The following ARHGEF28 variants were observed in gnomAD, a reference collection of about 807,000 sequenced individuals.
ARHGEF28 encodes 190 kDa guanine nucleotide exchange factor.
Under a neutral mutation model 206.6 loss-of-function variants are expected in ARHGEF28, and 152 were observed. The ratio of observed to expected loss-of-function variants is 0.74; its 90% confidence interval spans 0.64 to 0.84. ARHGEF28 has a LOEUF of 0.84. ARHGEF28 is among the 40% of genes least tolerant of loss of function. The pLI is 0.00. For synonymous variants in ARHGEF28, 763 were observed against 776.4 expected (o/e 0.98, Z 0.29); for missense variants, 2,028 against 2,073.2 (o/e 0.98, Z 0.42).
Position 73,777,482 on chromosome 5 carries a change from G to A in ARHGEF28, c.840+786G>A, listed in dbSNP as rs375194069. On this transcript the variant is annotated intron_variant, in intron 6 of 35. Coordinates refer to ENST00000513042, the MANE Select transcript of ARHGEF28 (RefSeq NM_001177693.2). Reference sequence around the variant, plus strand: ...CTATTTAGGCTTTACAGAGTAAAAAGTCAGCTTAGAAAACCAATATTATCA... The same window carrying A: ...CTATTTAGGCTTTACAGAGTAAAAAATCAGCTTAGAAAACCAATATTATCA... 3.3e-5 allele frequency among the ~76,000 whole-genome samples: 5 copies of A among 152,200 alleles called. No homozygotes were observed. In the East Asian group the frequency reaches 7.7e-4, roughly 23 times the overall value.
At chr5:73,772,814 A>G (rs1235617028) in intron 4 of ARHGEF28, among the ~76,000 whole-genome samples, 3 of 152,300 alleles carry the variant, frequency 2.0e-5, no homozygotes, top group Non-Finnish European at 4.4e-5. Context: ...ATTGGTTTCT[A>G]CTGAACAGTT....
intron 35 of ARHGEF28, among the ~76,000 whole-genome samples, chr5:73,927,034 G>C (rs1370145874): frequency 6.6e-6 from 1 of 152,044 alleles, no homozygotes; most frequent in Non-Finnish European, 1.5e-5. Context: ...ACAAACTTGG[G>C]AATTCATGTC....
intron 2 of ARHGEF28, among the ~76,000 whole-genome samples, chr5:73,710,663 A>G (rs1749185033): frequency 6.6e-6 from 1 of 152,202 alleles, no homozygotes; most frequent in African/African-American, 2.4e-5. Context: ...TCTTTTAGAA[A>G]TCATGTGGTC....
At chr5:73,868,320 T>C (rs1580009410) in intron 20 of ARHGEF28, 93 bp downstream of exon 20, 1 of 1,411,742 alleles carries the variant, frequency 7.1e-7, no homozygotes, top group African/African-American at 1.4e-5. Context: ...AGCATTTTTT[T>C]TTTCTTTTTC....
chr5:73,874,459 G>A (rs1398970286), intron 22 of ARHGEF28, among the ~76,000 whole-genome samples: 2 of 151,338 alleles, frequency 1.3e-5, no homozygotes, highest in East Asian at 3.9e-4. Flanking sequence ...TGTGCACAAT[G>A]TGCAGGTTAG....
chr5:73,920,520 C>T (rs1763458439), intron 35 of ARHGEF28, among the ~76,000 whole-genome samples: 4 of 147,490 alleles, frequency 2.7e-5, no homozygotes, highest in African/African-American at 2.5e-5. Flanking sequence ...TGGTAATTTG[C>T]TGTACCTATC....
chr5:73,630,374 C>T (rs1743289160), intron 1 of ARHGEF28, among the ~76,000 whole-genome samples: 1 of 152,212 alleles, frequency 6.6e-6, no homozygotes, highest in East Asian at 1.9e-4. Context: ...CCAACTTTGC[C>T]CTGGCTATGT....
chr5:73,645,873 CT>C (rs904817457), intron 1 of ARHGEF28, among the ~76,000 whole-genome samples: 61 of 152,000 alleles, frequency 4.0e-4, no homozygotes, highest in African/African-American at 1.4e-3. Context: ...CCCTCCTCCC[CT>C]TCCTCTTGGT....
intron 4 of ARHGEF28, among the ~76,000 whole-genome samples, chr5:73,772,204 T>G (rs1753261446): frequency 6.6e-6 from 1 of 152,208 alleles, no homozygotes; most frequent in East Asian, 1.9e-4. Context: ...ATTAGAGCTT[T>G]GTAGAAACCT....
chr5:73,769,882 T>C (rs1753124773), intron 4 of ARHGEF28, among the ~76,000 whole-genome samples: 1 of 152,220 alleles, frequency 6.6e-6, no homozygotes, highest in Non-Finnish European at 1.5e-5. Flanking sequence ...AAGATACAGA[T>C]ATTTCCCATA....
intron 1 of ARHGEF28, among the ~76,000 whole-genome samples, chr5:73,677,654 A>G (rs147769554): frequency 1.5e-3 from 227 of 152,286 alleles, no homozygotes; most frequent in Admixed American, 3.0e-3. Flanking sequence ...AGATATTTGG[A>G]TATTATGTAT....
chr5:73,866,124 T>C (rs2112628884), intron 18 of ARHGEF28, 111 bp downstream of exon 18: 1 of 962,764 alleles, frequency 1.0e-6, no homozygotes, highest in East Asian at 2.7e-5. Context: ...TTATTTCTTC[T>C]TTCATAACAT....
Position 73,788,545 on chromosome 5 carries a change from A to G in ARHGEF28, c.911-5857A>G, listed in dbSNP as rs12108853. On this transcript the variant is annotated intron_variant, in intron 7 of 35. Transcript: ENST00000513042. Reference sequence around the variant, plus strand: ...CTATATTCGTATAATAAGGTAAGCTAGAGAAAAAAATGTTCTTAATAAAAT... The same window carrying G: ...CTATATTCGTATAATAAGGTAAGCTGGAGAAAAAAATGTTCTTAATAAAAT... Among the ~76,000 whole-genome samples the G allele has an allele frequency of 1.0e-3, 157 of 152,314 alleles. 2 individuals carry two copies. Among genetic ancestry groups the G allele is most frequent in the African/African-American group, 3.6e-3 (150 of 41,558 alleles).
intron 2 of ARHGEF28, among the ~76,000 whole-genome samples, chr5:73,715,960 G>A (rs769591564): frequency 9.2e-5 from 14 of 152,144 alleles, no homozygotes; most frequent in Admixed American, 4.6e-4. Context: ...AGCTACTGTC[G>A]TTCAGTTCAG....
intron 22 of ARHGEF28, among the ~76,000 whole-genome samples, chr5:73,879,272 C>T (rs1561480118): frequency 2.0e-5 from 3 of 152,206 alleles, no homozygotes; most frequent in Admixed American, 6.5e-5. Context: ...GCTTTCAGCT[C>T]CATCAGCTCC....
chr5:73,807,188 T>C (rs1755563914), intron 9 of ARHGEF28, among the ~76,000 whole-genome samples: 1 of 152,032 alleles, frequency 6.6e-6, no homozygotes, highest in African/African-American at 2.4e-5. Context: ...CCCTGCTCTG[T>C]CCAGACTTGG....
In ARHGEF28 at chr5:73,885,915, G is replaced by A; in HGVS notation, c.3121G>A (p.Val1041Met). The A allele has an allele frequency of 6.2e-7, 1 of 1,613,634 alleles. No individual in the cohort carries two copies. Among genetic ancestry groups the A allele is most frequent in the African/African-American group, 1.3e-5 (1 of 75,016 alleles). ...LCLIKDMIAT[V>M]DLKVNEYEKN... Reference sequence around the variant, plus strand: ...CTTAATTAAAGACATGATTGCAACAGTGGATTTAAAAGTCAATGAATATGA... The same window carrying A: ...CTTAATTAAAGACATGATTGCAACAATGGATTTAAAAGTCAATGAATATGA... Residue 1041 changes from valine to methionine, a missense_variant, in exon 25 of 36, where the codon GTG becomes ATG. This residue lies in a region of ARHGEF28 where 223 missense variants were observed against 289.9 expected (regional missense o/e 0.77). Coordinates refer to ENST00000513042, the MANE Select transcript of ARHGEF28 (RefSeq NM_001177693.2).
chr5:73,879,300 A>G (rs1368561419), intron 22 of ARHGEF28, among the ~76,000 whole-genome samples: 2 of 151,998 alleles, frequency 1.3e-5, no homozygotes, highest in East Asian at 3.9e-4. Flanking sequence ...ACTTCTCTGT[A>G]TTGGTTATTC....
intron 4 of ARHGEF28, among the ~76,000 whole-genome samples, chr5:73,769,595 C>T (rs75654830): frequency 0.016 from 2,426 of 152,240 alleles, 102 homozygotes; most frequent in South Asian, 0.12. Context: ...CATTGATGAA[C>T]ATTAAGATTA....
Sources: allele counts gnomAD v4.1 joint callset (sites outside exome capture counted in the v4.1 genomes callset), GRCh38; gene constraint gnomAD v4.1.1; regional missense constraint gnomAD v4.1.1; transcripts MANE v1.5; gene names NCBI Gene and HGNC (gene_info 2026-07-23, HGNC 2026-07-21).